The following KIF23 variants were observed in gnomAD, a reference collection of about 807,000 sequenced individuals.
The protein encoded by KIF23 is kinesin family member 23.
In KIF23, 30 loss-of-function variants were observed where a neutral mutation model predicts 137.5. The ratio of observed to expected loss-of-function variants is 0.22; its 90% confidence interval spans 0.16 to 0.30. KIF23 has a LOEUF of 0.30. KIF23 is among the 10% of genes least tolerant of loss of function. The probability of loss-of-function intolerance (pLI) is 1.00; values close to 1 mark genes in which losing one functional copy is unlikely to be tolerated. For synonymous variants in KIF23, 367 were observed against 391.1 expected, an observed-to-expected ratio of 0.94 and a Z score of 0.73; for missense variants, 920 against 1,194.3, an observed-to-expected ratio of 0.77 and a Z score of 3.38.
rs1345468232 is a variant in KIF23 at position 69,441,061 on chromosome 15, A to G, written c.2403A>G (p.Glu801=). The G allele has an allele frequency of 1.2e-6, 2 of 1,612,148 alleles. No individual in the cohort carries two copies. Among genetic ancestry groups the G allele is most frequent in the African/African-American group, 1.3e-5 (1 of 75,030 alleles). Residue 801 remains glutamate, a synonymous_variant, in exon 19 of 24, where the codon GAA becomes GAG. Transcript: ENST00000679126. Reference sequence around the variant, plus strand: ...CATTCAGAAATGAGATAGAAATAGAAGAGGATCATTGCGGCAGGGTTAGTG... The same window carrying G: ...CATTCAGAAATGAGATAGAAATAGAGGAGGATCATTGCGGCAGGGTTAGTG... The part of the protein sequence containing the change: ...VPTFRNEIEI[E]EDHCGRLLFQ...
chr15:69,440,187 T>C, intron 17 of KIF23, 110 bp downstream of exon 17: 2 of 1,492,076 alleles, frequency 1.3e-6, no homozygotes, highest in Non-Finnish European at 9.1e-7. Context: ...TTGGTGGTGG[T>C]TGTTAACTCT....
intron 22 of KIF23, 103 bp downstream of exon 22, chr15:69,446,467 T>G (rs891312875): frequency 1.2e-6 from 1 of 858,462 alleles, no homozygotes; most frequent in African/African-American, 1.7e-5. Context: ...TGCTGAGGTA[T>G]AATCTCACAT....
chr15:69,425,395 G>C (rs2057164170), intron 8 of KIF23, 72 bp downstream of exon 8: 1 of 1,313,438 alleles, frequency 7.6e-7, no homozygotes, highest in African/African-American at 1.5e-5. Flanking sequence ...TCTGTGGCAT[G>C]TTTGCATGTA....
chr15:69,422,674 T>C (rs1285195602), intron 6 of KIF23, among the ~76,000 whole-genome samples: 1 of 152,186 alleles, frequency 6.6e-6, no homozygotes, highest in African/African-American at 2.4e-5. Context: ...ATAAAAGCCA[T>C]TGTTGTGTGT....
chr15:69,438,217 G>A (rs545269926), intron 15 of KIF23, 31 bp from the exon 16 acceptor site: 22 of 1,570,884 alleles, frequency 1.4e-5, no homozygotes, highest in Middle Eastern at 2.2e-4. Flanking sequence ...TAGAACTGGT[G>A]TAAAACTTGA....
At chr15:69,422,537 G>T in intron 6 of KIF23, 102 bp downstream of exon 6, 1 of 688,456 alleles carries the variant, frequency 1.5e-6, no homozygotes, top group South Asian at 1.7e-5. Flanking sequence ...TAGAGAAGTT[G>T]ACTTTTGTGA....
rs915985180 is a variant in KIF23, at chr15:69,448,092, T to A, written c.*285T>A. ...GTATGAATTTTTTATAATGTTTTTT[T>A]AAAATATATTTCATGTATACTTATA... On this transcript the variant is annotated 3_prime_UTR_variant, in exon 24 of 24. Transcript: ENST00000679126. 9.1e-5 allele frequency: 22 copies of A among 241,998 alleles called. No individual in the cohort carries two copies. Among genetic ancestry groups the A allele is most frequent in the African/African-American group, 3.6e-4 (16 of 44,632 alleles). 15.0% of individuals were successfully genotyped at this position (241,998 alleles called of 1,614,324 possible).
intron 11 of KIF23, among the ~76,000 whole-genome samples, chr15:69,432,061 C>G (rs2057367561): frequency 6.6e-6 from 1 of 152,076 alleles, no homozygotes; most frequent in South Asian, 2.1e-4. Flanking sequence ...GAGCAAGATC[C>G]TGGAAGAGGC....
chr15:69,418,091 A>T lies in KIF23; in HGVS notation c.210+580A>T, dbSNP rs75041692. Among the ~76,000 whole-genome samples, 1,125 of 152,328 alleles carry T rather than the reference A, an allele frequency of 7.4e-3. 20 individuals carry two copies. The highest frequency in any genetic ancestry group is 0.025 in the African/African-American group (1,047 of 41,574). On this transcript the variant is annotated intron_variant, in intron 3 of 23. Transcript: ENST00000679126. Reference sequence around the variant, plus strand: ...AGACAGAAAGTTAGATGTGCTAAAGATGAGGGGACCGTGGGAATGCAGTAG... The same window carrying T: ...AGACAGAAAGTTAGATGTGCTAAAGTTGAGGGGACCGTGGGAATGCAGTAG...
Position 69,448,367 on chromosome 15 carries a change from A to G in KIF23, c.*560A>G, listed in dbSNP as rs1346039225. 3.9e-5 allele frequency: 6 copies of G among 152,628 alleles called. No homozygotes were observed. The highest frequency in any genetic ancestry group is 2.0e-4 in the Admixed American group (3 of 15,276). 9.5% of individuals were successfully genotyped at this position (152,628 alleles called of 1,614,324 possible). On this transcript the variant is annotated 3_prime_UTR_variant, in exon 24 of 24. Coordinates refer to ENST00000679126, the MANE Select transcript of KIF23 (RefSeq NM_001367805.3). ...GGTGTTTTGAATTCTGTATGTATAT[A>G]TTCACTTTCTGACATTTAGATATGC... is the stretch of plus-strand genomic sequence containing the variant.
At position 69,435,675 on chromosome 15, in the gene KIF23, G is replaced by A; in HGVS notation, c.1218G>A (p.Lys406=). 6.2e-7 allele frequency: 1 copy of A among 1,614,128 alleles called. No individual in the cohort carries two copies. The highest frequency in any genetic ancestry group is 8.5e-7 in the Non-Finnish European group (1 of 1,180,038). The change falls in exon 13 of 24, where the codon AAG becomes AAA. Residue 406 remains lysine, a synonymous_variant. Coordinates refer to ENST00000679126, the MANE Select transcript of KIF23 (RefSeq NM_001367805.3). ...TNKMVPYRDS[K]LTHLFKNYFD... Reference sequence around the variant, plus strand: ...AGATGGTTCCATATCGAGATTCAAAGTTAACCCATCTGTTCAAGAACTACT... The same window carrying A: ...AGATGGTTCCATATCGAGATTCAAAATTAACCCATCTGTTCAAGAACTACT...
chr15:69,416,682 C>A (rs918711929), intron 2 of KIF23, among the ~76,000 whole-genome samples: 1 of 152,142 alleles, frequency 6.6e-6, no homozygotes, highest in African/African-American at 2.4e-5. Context: ...AGGCTGGGTG[C>A]GGTGGCTCAC....
intron 6 of KIF23, 32 bp from the exon 7 acceptor site, chr15:69,423,127 T>A: frequency 1.4e-6 from 2 of 1,385,534 alleles, no homozygotes; most frequent in Non-Finnish European, 1.0e-6. Context: ...AATGGACTTA[T>A]AACGTATACA....
chr15:69,428,490 C>T (rs2057262598), intron 10 of KIF23, among the ~76,000 whole-genome samples: 1 of 151,194 alleles, frequency 6.6e-6, no homozygotes, highest in Non-Finnish European at 1.5e-5. Context: ...AACCCTGTCT[C>T]TACCAAAAAT....
chr15:69,421,062 C>T (rs2057040024), intron 3 of KIF23, among the ~76,000 whole-genome samples: 1 of 152,176 alleles, frequency 6.6e-6, no homozygotes, highest in Non-Finnish European at 1.5e-5. Flanking sequence ...AAAACAAAAT[C>T]AGCCTTAGAT....
In KIF23 at chr15:69,439,051, T is replaced by C. The variant is rs1041417924; in HGVS notation, c.1755+646T>C. Reference sequence around the variant, plus strand: ...AGGTTGAGGCTGCAGTGAGCTGGGATTGCACGACTGCACTCCAGCCTAGGT... The same window carrying C: ...AGGTTGAGGCTGCAGTGAGCTGGGACTGCACGACTGCACTCCAGCCTAGGT... On this transcript the variant is annotated intron_variant, in intron 16 of 23. Coordinates refer to ENST00000679126, the MANE Select transcript of KIF23 (RefSeq NM_001367805.3). 9.2e-5 allele frequency among the ~76,000 whole-genome samples: 14 copies of C among 151,878 alleles called. 1 individual carries two copies. The highest frequency in any genetic ancestry group is 3.9e-4 in the East Asian group (2 of 5,160).
At chr15:69,433,757 A>C (rs2140369033) in intron 11 of KIF23, among the ~76,000 whole-genome samples, 1 of 151,990 alleles carries the variant, frequency 6.6e-6, no homozygotes, top group South Asian at 2.1e-4. Context: ...TTTATTTTTT[A>C]GCCACATAAA....
Position 69,414,432 on chromosome 15 carries a change from G to T in KIF23, c.-34G>T, listed in dbSNP as rs772894519. On this transcript the variant is annotated 5_prime_UTR_variant, in exon 1 of 24. Coordinates refer to ENST00000679126, the MANE Select transcript of KIF23 (RefSeq NM_001367805.3). ...GCAGTCTTCGCCAGCCAGCCGTCCCGCATGCGCGTTTGGGCGGCGTGGAGC... is the reference window on the plus strand; with the variant it reads ...GCAGTCTTCGCCAGCCAGCCGTCCCTCATGCGCGTTTGGGCGGCGTGGAGC... The T allele has an allele frequency of 6.3e-7, 1 of 1,578,646 alleles. No homozygotes were observed. Among genetic ancestry groups the T allele is most frequent in the South Asian group, 1.2e-5 (1 of 85,890 alleles).
chr15:69,429,341 G>A lies in KIF23; in HGVS notation c.1114+128G>A, dbSNP rs983266097. The A allele has an allele frequency of 2.1e-5, 14 of 659,582 alleles. 1 individual carries two copies. The highest frequency in any genetic ancestry group is 3.6e-5 in the Non-Finnish European group (14 of 386,872). The allele number at this position is 659,582 out of a possible 1,614,324, so 40.9% of individuals were successfully genotyped here. Reference sequence around the variant, plus strand: ...TATTTTATTGAGACGGTCTTACTCTGTTACCCAGGATGGAATGCAGTGGTG... The same window carrying A: ...TATTTTATTGAGACGGTCTTACTCTATTACCCAGGATGGAATGCAGTGGTG... On this transcript the variant is annotated intron_variant, in intron 11 of 23. Transcript: ENST00000679126.
Sources: gnomAD v4.1 joint callset for allele counts (sites outside exome capture counted in the v4.1 genomes callset) on GRCh38, gnomAD v4.1.1 for gene constraint, MANE v1.5 for transcripts, NCBI Gene and HGNC (gene_info 2026-07-23, HGNC 2026-07-21) for gene names.